Variants in KDM2B observed in about 807,000 individuals in gnomAD.
KDM2B encodes the protein lysine demethylase 2B.
Under a neutral mutation model 150.0 loss-of-function variants are expected in KDM2B, and 26 were observed. The ratio of observed to expected loss-of-function variants is 0.17; its 90% CI spans 0.13 to 0.24. The LOEUF is 0.24. Ranked by LOEUF, KDM2B falls within the 10% of genes least tolerant of loss-of-function variation. The pLI is 1.00. For synonymous variants in KDM2B, 734 were observed against 729.5 expected (o/e 1.01, Z -0.10); for missense variants, 1,265 against 1,816.9 (o/e 0.70, Z 5.52).
At chr12:121,473,591 C>T (rs1359259295) in intron 12 of KDM2B, among the ~76,000 whole-genome samples, 9 of 151,552 alleles carry the variant, frequency 5.9e-5, no homozygotes, top group South Asian at 4.2e-4. Context: ...TGATGGCACA[C>T]GCCTGTAATC....
In KDM2B at chr12:121,430,648, G is replaced by GTC. The variant is rs1260872689; in HGVS notation, c.3830-181_3830-180dup. ...ATCTCTCTTCTTCAAACGGGGAAGG[G>GTC]TCTCACCCGCCAGGTATAAAGGTTA... On this transcript the variant is annotated intron_variant, in intron 22 of 22. Coordinates refer to ENST00000377071, the MANE Select transcript of KDM2B (RefSeq NM_032590.5). The surrounding 1 kb of genome is among the most constrained non-coding windows in gnomAD (Gnocchi z 4.4). The GTC allele has an allele frequency of 3.3e-6, 2 of 602,452 alleles. No individual in the cohort carries two copies. Among genetic ancestry groups the GTC allele is most frequent in the Non-Finnish European group, 5.9e-6 (2 of 338,792 alleles). The allele number at this position is 602,452 out of a possible 1,614,324, so 37.3% of individuals were successfully genotyped here.
intron 12 of KDM2B, among the ~76,000 whole-genome samples, chr12:121,454,007 C>T (rs1555292272): frequency 2.0e-5 from 3 of 152,148 alleles, no homozygotes; most frequent in Non-Finnish European, 4.4e-5. Flanking sequence ...GTTCCCCCAG[C>T]CCGGAAGGCC....
chr12:121,425,768 A>G (rs1872483239), downstream of KDM2B, among the ~76,000 whole-genome samples: 1 of 136,454 alleles, frequency 7.3e-6, no homozygotes, highest in African/African-American at 3.2e-5. Flanking sequence ...TTTTGTCTAA[A>G]CTTTTTTTTT....
chr12:121,532,890 G>C lies in KDM2B; in HGVS notation c.847C>G (p.Gln283Glu). Residue 283 changes from glutamine to glutamate, a missense_variant, in exon 8 of 23, where the codon CAG becomes GAG. Gln to Glu is a conservative substitution (Grantham distance 29). This residue lies in a region of KDM2B where 214 missense variants were observed against 447.4 expected (regional missense o/e 0.48). Coordinates refer to ENST00000377071, the MANE Select transcript of KDM2B (RefSeq NM_032590.5). ...LYEEWVLSGK[Q>E]SDIFLGDRVE... ...CGGTCTCCCAGAAAGATGTCACTCT[G>C]TTTGCCTGACAGCACCCACTCCTCG... is the stretch of plus-strand genomic sequence containing the variant. 6.2e-7 allele frequency: 1 copy of C among 1,614,192 alleles called. No homozygotes were observed.
intron 1 of KDM2B, chr12:121,580,494 C>G: frequency 8.4e-7 from 1 of 1,191,548 alleles, no homozygotes. Flanking sequence ...GGCGCCGCCG[C>G]CGCCCGGGAG....
chr12:121,443,895 G>C (rs1555289314), intron 16 of KDM2B, 102 bp from the exon 17 acceptor site: 2 of 1,441,992 alleles, frequency 1.4e-6, no homozygotes, highest in Non-Finnish European at 1.9e-6. Flanking sequence ...AGGGCAGCAA[G>C]AGGCCGGGAT....
chr12:121,541,615 G>A (rs907846188), intron 6 of KDM2B, among the ~76,000 whole-genome samples: 20 of 151,278 alleles, frequency 1.3e-4, no homozygotes, highest in African/African-American at 4.9e-4. Flanking sequence ...TTCTCTGTGT[G>A]TCAGGTTCTC....
At chr12:121,566,565 G>A (rs1890719736) in intron 4 of KDM2B, among the ~76,000 whole-genome samples, 1 of 152,044 alleles carries the variant, frequency 6.6e-6, no homozygotes, top group South Asian at 2.1e-4. Context: ...AGGTTGCAGT[G>A]AGCCGAGATC....
chr12:121,421,435 C>T, the KDM2B span, among the ~76,000 whole-genome samples: 1 of 146,668 alleles, frequency 6.8e-6, no homozygotes, highest in African/African-American at 2.5e-5. Context: ...AGCCTGTGGT[C>T]CCAGCTACTT....
chr12:121,530,227 C>CAAA (rs71453566), intron 8 of KDM2B, among the ~76,000 whole-genome samples: 25 of 65,690 alleles, frequency 3.8e-4, no homozygotes, highest in Middle Eastern at 7.9e-3. Flanking sequence ...GACTCCCTCT[C>CAAA]AAAAAAAAAA....
intron 4 of KDM2B, among the ~76,000 whole-genome samples, chr12:121,567,786 C>T (rs1215766278): frequency 6.7e-6 from 1 of 148,878 alleles, no homozygotes; most frequent in Non-Finnish European, 1.5e-5. Context: ...TCTCGGCTCA[C>T]TGTAACCTCC....
At position 121,549,094 on chromosome 12, in the gene KDM2B, G is replaced by A. The variant is rs555402012; in HGVS notation, c.577-111C>T. On this transcript the variant is annotated intron_variant, in intron 5 of 22. Transcript: ENST00000377071. The surrounding 1 kb of genome is among the most constrained non-coding windows in gnomAD (Gnocchi z 4.4). ...CCCCCGCTCCCCCAATCTACTGTGGGCTCAATAGTCCCAACATGGGAGGAA... is the reference window on the plus strand; with the variant it reads ...CCCCCGCTCCCCCAATCTACTGTGGACTCAATAGTCCCAACATGGGAGGAA... The A allele has an allele frequency of 4.4e-4, 347 of 795,454 alleles. 1 individual carries two copies. The African/African-American group carries it at 5.3e-3, about 12-fold the overall frequency. The allele number at this position is 795,454 out of a possible 1,614,324, so 49.3% of individuals were successfully genotyped here. A position where few individuals can be genotyped will look rare whatever the true frequency, so the allele number is the denominator to read the frequency against.
At chr12:121,556,130 T>C (rs534296301) in intron 4 of KDM2B, among the ~76,000 whole-genome samples, 1 of 152,206 alleles carries the variant, frequency 6.6e-6, no homozygotes, top group Non-Finnish European at 1.5e-5. Context: ...TTTCACCATG[T>C]TGGCCAGGCT....
intron 12 of KDM2B, among the ~76,000 whole-genome samples, chr12:121,476,281 GCGAGACTTCGCCT>G (rs1881365884): frequency 1.3e-5 from 2 of 151,568 alleles, no homozygotes; most frequent in African/African-American, 4.9e-5. Flanking sequence ...AAGGACGAGG[GCGAGACTTCGCCT>G]CAAAAAAAAA....
intron 4 of KDM2B, among the ~76,000 whole-genome samples, chr12:121,562,884 A>G (rs1890444452): frequency 6.6e-6 from 1 of 152,214 alleles, no homozygotes; most frequent in East Asian, 1.9e-4. Flanking sequence ...CCTATGGCAC[A>G]TATGCGATAA....
chr12:121,445,179 C>G, intron 14 of KDM2B, 96 bp downstream of exon 14: 2 of 1,431,362 alleles, frequency 1.4e-6, no homozygotes, highest in Non-Finnish European at 1.9e-6. Flanking sequence ...TCCAGGAATT[C>G]ACTGCACGAC....
At chr12:121,410,937 TTTG>T in the KDM2B span, among the ~76,000 whole-genome samples, 1 of 152,164 alleles carries the variant, frequency 6.6e-6, no homozygotes, top group African/African-American at 2.4e-5. Context: ...CTTGGGCTTT[TTTG>T]TTGTTTGTTT....
At chr12:121,423,404 TGCAG>T in the KDM2B span, 1 of 1,609,088 alleles carries the variant, frequency 6.2e-7, no homozygotes, top group Non-Finnish European at 8.5e-7. This position sits in a 1 kb window ranked among gnomAD's most constrained non-coding sequence, Gnocchi z 4.3. Context: ...CGGCTGCAGC[TGCAG>T]GATGAGGAAG....
At chr12:121,465,168 ATG>A (rs1483069023) in intron 12 of KDM2B, among the ~76,000 whole-genome samples, 3 of 152,136 alleles carry the variant, frequency 2.0e-5, no homozygotes, top group African/African-American at 7.2e-5. Context: ...GGCTTGACCA[ATG>A]TGAGAAGGAG....
Sources: gnomAD v4.1 joint callset for allele counts (sites outside exome capture counted in the v4.1 genomes callset) on GRCh38, gnomAD v4.1.1 for gene constraint, gnomAD v4.1.1 regional missense constraint, Gnocchi (gnomAD v3.1) non-coding constraint, MANE v1.5 for transcripts, NCBI Gene and HGNC (gene_info 2026-07-23, HGNC 2026-07-21) for gene names.